SLC39A12: variants seen among roughly 807,000 people sequenced by gnomAD.
The protein encoded by SLC39A12 is zinc transporter ZIP12.
In SLC39A12, 63 loss-of-function variants were observed where a neutral mutation model predicts 71.1. That is an observed-to-expected ratio of 0.89 (90% CI 0.72 to 1.09). The LOEUF (loss-of-function observed/expected upper bound fraction) is 1.09, where lower values mean the gene tolerates loss of function less well. Among genes scored for constraint, SLC39A12 ranks in the 50% least tolerant of loss-of-function variants. The pLI is 0.00. For missense variants in SLC39A12, 892 were observed against 812.6 expected (o/e 1.10, Z -1.19); for synonymous variants, 351 against 301.3 (o/e 1.16, Z -1.71).
intron 12 of SLC39A12, among the ~76,000 whole-genome samples, chr10:18,036,918 C>T (rs536711356): frequency 1.3e-5 from 2 of 151,122 alleles, no homozygotes. Context: ...TTTCAAGTAG[C>T]TGGGATGACA....
At chr10:17,985,354 A>T (rs911931429) in intron 6 of SLC39A12, among the ~76,000 whole-genome samples, 1 of 152,196 alleles carries the variant, frequency 6.6e-6, no homozygotes, top group African/African-American at 2.4e-5. Context: ...AATAAAAATA[A>T]AATAAAATGA....
intron 12 of SLC39A12, among the ~76,000 whole-genome samples, chr10:18,025,158 T>C (rs1836640867): frequency 6.6e-6 from 1 of 152,206 alleles, no homozygotes; most frequent in Non-Finnish European, 1.5e-5. Context: ...TGTTGCTCTC[T>C]TTTGTCTTTC....
chr10:17,973,051 C>T (rs766421953), intron 4 of SLC39A12, among the ~76,000 whole-genome samples: 4 of 151,776 alleles, frequency 2.6e-5, no homozygotes, highest in Non-Finnish European at 4.4e-5. Flanking sequence ...TCTTATAATC[C>T]ATTATTTTAA....
intron 10 of SLC39A12, among the ~76,000 whole-genome samples, chr10:17,996,981 C>G (rs889292427): frequency 1.4e-5 from 2 of 142,150 alleles, no homozygotes; most frequent in African/African-American, 5.3e-5. Flanking sequence ...CGCCACTGCA[C>G]TCCAGCACTC....
chr10:18,009,985 C>G (rs956432376), intron 12 of SLC39A12, among the ~76,000 whole-genome samples: 3 of 152,196 alleles, frequency 2.0e-5, no homozygotes, highest in African/African-American at 4.8e-5. Context: ...CAAACATCCA[C>G]CTTTCTAGCC....
At chr10:18,006,790 A>G (rs1489883481) in intron 12 of SLC39A12, among the ~76,000 whole-genome samples, 1 of 152,142 alleles carries the variant, frequency 6.6e-6, no homozygotes, top group Non-Finnish European at 1.5e-5. Context: ...TACACACCTG[A>G]GTACTAAGAG....
chr10:17,967,809 C>T (rs1390855547), intron 4 of SLC39A12, among the ~76,000 whole-genome samples: 1 of 150,736 alleles, frequency 6.6e-6, no homozygotes, highest in African/African-American at 2.4e-5. Flanking sequence ...ATGGTGTGAA[C>T]CCAGGAGGCG....
intron 4 of SLC39A12, among the ~76,000 whole-genome samples, chr10:17,966,824 A>T (rs189119294): frequency 0.013 from 2,046 of 151,990 alleles, 39 homozygotes; most frequent in African/African-American, 0.043. Context: ...TACAAAAAAA[A>T]TTAGCCAGGC....
chr10:17,965,918 T>C (rs554170592), intron 4 of SLC39A12, among the ~76,000 whole-genome samples: 1 of 152,282 alleles, frequency 6.6e-6, no homozygotes, highest in East Asian at 1.9e-4. Flanking sequence ...TTCTAAGTGA[T>C]TGGAATTGTG....
At chr10:18,028,966 C>T (rs555795958) in intron 12 of SLC39A12, among the ~76,000 whole-genome samples, 35 of 152,258 alleles carry the variant, frequency 2.3e-4, no homozygotes, top group Admixed American at 1.7e-3. Flanking sequence ...GTGATCCACC[C>T]GCCTCAGCCT....
At chr10:18,014,449 CA>C (rs1408425507) in intron 12 of SLC39A12, among the ~76,000 whole-genome samples, 8 of 152,174 alleles carry the variant, frequency 5.3e-5, no homozygotes, top group African/African-American at 1.9e-4. Flanking sequence ...TGCTGTAGTG[CA>C]TAAAAATATG....
Position 18,042,721 on chromosome 10 carries a change from A to C in SLC39A12, c.1964A>C (p.His655Pro). ...TTTTTTTAGCTTCCTGAAATGACTC[A>C]TGTTCAAACACAACGACCCTGGATG... ...SLVEMLPEMT[H>P]VQTQRPWMMF... Residue 655 changes from histidine to proline, a missense_variant, in exon 13 of 13, where the codon CAT (histidine) becomes CCT (proline). His to Pro is a moderately conservative substitution (Grantham distance 77). Coordinates refer to ENST00000377369, the MANE Select transcript of SLC39A12 (RefSeq NM_001145195.2). The C allele has an allele frequency of 6.2e-7, 1 of 1,607,140 alleles. No individual in the cohort carries two copies. The highest frequency in any genetic ancestry group is 8.5e-7 in the Non-Finnish European group (1 of 1,177,422).
Position 18,036,790 on chromosome 10 carries a change from ATATATT to A in SLC39A12, c.1948-5913_1948-5908del, listed in dbSNP as rs1412350290. Among the ~76,000 whole-genome samples, 13 of 69,230 alleles carry A rather than the reference ATATATT, an allele frequency of 1.9e-4. 1 individual carries two copies. Among genetic ancestry groups the A allele is most frequent in the East Asian group, 1.3e-3 (3 of 2,352 alleles). 45.4% of individuals were successfully genotyped at this position (69,230 alleles called of 152,430 possible). On this transcript the variant is annotated intron_variant, in intron 12 of 12. Transcript: ENST00000377369. ...TATATATATATATATATATATATAT[ATATATT>A]TTTTTTTTTAATGGAATCTCACTCT...
rs539868982 is a variant in SLC39A12 at position 17,960,660 on chromosome 10, C to T, written c.262-921C>T. The stretch of plus-strand genomic sequence containing the variant: ...AAGTAAACAAAGCAATTTTACAATA[C>T]GAGTGCTATGAAGAAAAATTTTTAA... On this transcript the variant is annotated intron_variant, in intron 2 of 12. Coordinates refer to ENST00000377369, the MANE Select transcript of SLC39A12 (RefSeq NM_001145195.2). Among the ~76,000 whole-genome samples the T allele has an allele frequency of 1.6e-3, 241 of 152,186 alleles. 1 individual carries two copies. Among genetic ancestry groups the T allele is most frequent in the African/African-American group, 5.4e-3 (223 of 41,544 alleles).
At chr10:17,975,537 T>G (rs1835087285) in intron 4 of SLC39A12, among the ~76,000 whole-genome samples, 1 of 152,036 alleles carries the variant, frequency 6.6e-6, no homozygotes, top group Non-Finnish European at 1.5e-5. Context: ...TGAGCTGGTA[T>G]CCAAGATGCA....
chr10:18,021,102 G>T lies in SLC39A12; in HGVS notation c.1947+17744G>T, dbSNP rs571559396. Among the ~76,000 whole-genome samples the T allele has an allele frequency of 5.3e-5, 8 of 152,058 alleles. No homozygotes were observed. In the South Asian group the frequency reaches 1.5e-3, roughly 28 times the overall value. On this transcript the variant is annotated intron_variant, in intron 12 of 12. Coordinates refer to ENST00000377369, the MANE Select transcript of SLC39A12 (RefSeq NM_001145195.2). Reference sequence around the variant, plus strand: ...TTCTTCTGGAGTTTTTGTAATGCTAGGTTTTACATTTAAGTCTTTAATCCA... The same window carrying T: ...TTCTTCTGGAGTTTTTGTAATGCTATGTTTTACATTTAAGTCTTTAATCCA...
At chr10:17,980,035 G>C (rs938190110) in intron 5 of SLC39A12, among the ~76,000 whole-genome samples, 1 of 152,118 alleles carries the variant, frequency 6.6e-6, no homozygotes, top group Non-Finnish European at 1.5e-5. Flanking sequence ...AGGAGGGCAC[G>C]GGTGGGAAGA....
At position 17,981,248 on chromosome 10, in the gene SLC39A12, A is replaced by G. The variant is rs965528268; in HGVS notation, c.925-64A>G. On this transcript the variant is annotated intron_variant, in intron 5 of 12. Transcript: ENST00000377369. ...TAGAATTCACTCCTCAAGGATGACA[A>G]CTGGTGGAGAATCTAGTTTAAATAT... 10 of 1,423,678 alleles carry G rather than the reference A, an allele frequency of 7.0e-6. No homozygotes were observed. The East Asian group carries it at 9.2e-5, about 13-fold the overall frequency. 88.2% of individuals were successfully genotyped at this position (1,423,678 alleles called of 1,614,324 possible).
chr10:17,966,359 C>A (rs1834824598), intron 4 of SLC39A12, among the ~76,000 whole-genome samples: 1 of 152,096 alleles, frequency 6.6e-6, no homozygotes, highest in Non-Finnish European at 1.5e-5. Flanking sequence ...TGCCCAGACT[C>A]AAGTGCAGTG....
Sources: allele counts gnomAD v4.1 joint callset (sites outside exome capture counted in the v4.1 genomes callset), GRCh38; gene constraint gnomAD v4.1.1; transcripts MANE v1.5; gene names NCBI Gene and HGNC (gene_info 2026-07-23, HGNC 2026-07-21).